SLC25A48: variants seen among roughly 807,000 people sequenced by gnomAD.
SLC25A48 encodes the protein solute carrier family 25 member 48, also known as CTC-321K16.1.
Under a neutral mutation model 32.2 loss-of-function variants are expected in SLC25A48, and 29 were observed. That is an observed-to-expected ratio of 0.90 (90% CI 0.67 to 1.23). The LOEUF is 1.23. SLC25A48 is among the 50% of genes most tolerant of loss of function. The probability of loss-of-function intolerance (pLI) is 0.00; values close to 1 mark genes in which losing one functional copy is unlikely to be tolerated. For missense variants in SLC25A48, 399 were observed against 422.7 expected (o/e 0.94, Z 0.49); for synonymous variants, 164 against 172.3 (o/e 0.95, Z 0.38).
chr5:135,756,445 G>C (rs1755908404), intron 3 of SLC25A48, among the ~76,000 whole-genome samples: 1 of 152,026 alleles, frequency 6.6e-6, no homozygotes, highest in Admixed American at 6.6e-5. Flanking sequence ...AGGCCAAGGT[G>C]GGTGGATCAC....
chr5:135,820,843 C>T (rs1196229047), intron 4 of SLC25A48, among the ~76,000 whole-genome samples: 1 of 152,110 alleles, frequency 6.6e-6, no homozygotes, highest in South Asian at 2.1e-4. Flanking sequence ...GAAAATGGCC[C>T]AGCAGTAGAT....
intron 1 of SLC25A48, among the ~76,000 whole-genome samples, chr5:135,622,068 A>G (rs1185401373): frequency 1.3e-5 from 2 of 152,246 alleles, no homozygotes; most frequent in East Asian, 1.9e-4. Context: ...GAGAAGGCCA[A>G]GAAGCATATG....
intron 3 of SLC25A48, among the ~76,000 whole-genome samples, chr5:135,807,713 GTT>G (rs1757495146): frequency 6.7e-6 from 1 of 150,078 alleles, no homozygotes; most frequent in Non-Finnish European, 1.5e-5. Context: ...ATCATTGTGT[GTT>G]AACACTGTGT....
chr5:135,736,671 G>A (rs773463955), intron 3 of SLC25A48, among the ~76,000 whole-genome samples: 2 of 152,140 alleles, frequency 1.3e-5, no homozygotes, highest in Non-Finnish European at 2.9e-5. Flanking sequence ...AGGCATCCCC[G>A]TGTGATCAGA....
chr5:135,769,144 G>T (rs1011308614), intron 3 of SLC25A48, among the ~76,000 whole-genome samples: 1 of 150,414 alleles, frequency 6.6e-6, no homozygotes, highest in East Asian at 2.0e-4. Flanking sequence ...TACCAATATC[G>T]CAAGGGGTGT....
chr5:135,778,172 G>T (rs958325972), intron 3 of SLC25A48, among the ~76,000 whole-genome samples: 1 of 151,680 alleles, frequency 6.6e-6, no homozygotes, highest in South Asian at 2.1e-4. Context: ...AATATTAAGG[G>T]GGGGAGAGGA....
At chr5:135,797,833 G>A (rs1361661837) in intron 3 of SLC25A48, among the ~76,000 whole-genome samples, 2 of 151,704 alleles carry the variant, frequency 1.3e-5, no homozygotes, top group African/African-American at 2.4e-5. Context: ...CAAGCAGGGG[G>A]GAGGATGACA....
At chr5:135,755,101 T>C (rs549994428) in intron 3 of SLC25A48, among the ~76,000 whole-genome samples, 22 of 152,226 alleles carry the variant, frequency 1.4e-4, no homozygotes, top group Non-Finnish European at 2.2e-4. Context: ...TTATACACAG[T>C]GCTTACACAC....
intron 1 of SLC25A48, among the ~76,000 whole-genome samples, chr5:135,621,203 A>C (rs1214961312): frequency 6.6e-6 from 1 of 152,192 alleles, no homozygotes; most frequent in Non-Finnish European, 1.5e-5. Context: ...TCTTGGTTAA[A>C]TTGCTAAATA....
intron 4 of SLC25A48, among the ~76,000 whole-genome samples, chr5:135,814,526 CATCAGAAAGGCTA>C (rs1464370769): frequency 2.6e-5 from 4 of 152,136 alleles, no homozygotes; most frequent in Admixed American, 1.3e-4. Context: ...AAATATGAGT[CATCAGAAAGGCTA>C]GTGTCCCTCT....
At chr5:135,683,780 C>G (rs1399218300) in intron 3 of SLC25A48, among the ~76,000 whole-genome samples, 1 of 152,152 alleles carries the variant, frequency 6.6e-6, no homozygotes, top group Non-Finnish European at 1.5e-5. Context: ...GGTTCCCGGA[C>G]TTTGGGAACA....
At chr5:135,804,618 A>C (rs1757421269) in intron 3 of SLC25A48, among the ~76,000 whole-genome samples, 1 of 151,668 alleles carries the variant, frequency 6.6e-6, no homozygotes, top group Admixed American at 6.6e-5. Flanking sequence ...GTGGGTTTAC[A>C]TCATGTGTTT....
intron 1 of SLC25A48, among the ~76,000 whole-genome samples, chr5:135,627,638 C>T (rs1329721366): frequency 6.6e-6 from 1 of 152,192 alleles, no homozygotes; most frequent in Admixed American, 6.5e-5. Flanking sequence ...TTCCCTCTTC[C>T]TCATCTCTCC....
chr5:135,770,721 G>T (rs545606810), intron 3 of SLC25A48, among the ~76,000 whole-genome samples: 1 of 151,648 alleles, frequency 6.6e-6, no homozygotes, highest in South Asian at 2.1e-4. Flanking sequence ...AAATATCAAA[G>T]AGGTGTATAC....
intron 3 of SLC25A48, among the ~76,000 whole-genome samples, chr5:135,715,108 C>T (rs1018751651): frequency 6.6e-6 from 1 of 152,140 alleles, no homozygotes; most frequent in African/African-American, 2.4e-5. Flanking sequence ...AAGGCTATTG[C>T]AGCAGGGCAA....
At chr5:135,869,516 C>A (rs1240215068) in intron 4 of SLC25A48, among the ~76,000 whole-genome samples, 1 of 152,174 alleles carries the variant, frequency 6.6e-6, no homozygotes, top group African/African-American at 2.4e-5. Context: ...TATCAAGATC[C>A]TCTCCCTCAG....
At chr5:135,840,201 C>G (rs1758877873) in intron 1 of SLC25A48, among the ~76,000 whole-genome samples, 1 of 152,172 alleles carries the variant, frequency 6.6e-6, no homozygotes, top group South Asian at 2.1e-4. Context: ...ATGGTGACAT[C>G]ACTCACATTT....
chr5:135,668,058 C>T (rs1753565336), intron 3 of SLC25A48, among the ~76,000 whole-genome samples: 2 of 152,136 alleles, frequency 1.3e-5, no homozygotes, highest in Admixed American at 6.6e-5. Context: ...TGCAAGAGTC[C>T]AGTGGAAGAG....
At chr5:135,778,849 C>T (rs1434732288) in intron 3 of SLC25A48, among the ~76,000 whole-genome samples, 3 of 4,610 alleles carry the variant, frequency 6.5e-4, no homozygotes, top group African/African-American at 2.5e-3. Context: ...ACCCCCCCCG[C>T]CCCGCCGTGA....
Sources: allele counts gnomAD v4.1 joint callset (sites outside exome capture counted in the v4.1 genomes callset), GRCh38; gene constraint gnomAD v4.1.1; transcripts MANE v1.5; gene names NCBI Gene and HGNC (gene_info 2026-07-23, HGNC 2026-07-21).